VTI1A: variants seen among roughly 807,000 people sequenced by gnomAD.
VTI1A encodes the protein vesicle transport through interaction with t-SNAREs 1A, also known as vesicle transport through interaction with t-SNAREs homolog 1A.
In VTI1A, 22 loss-of-function variants were observed where a neutral mutation model predicts 34.9. The observed-to-expected ratio is 0.63, with a 90% CI of 0.45 to 0.90. The LOEUF (loss-of-function observed/expected upper bound fraction) is 0.90. Ranked by LOEUF, VTI1A falls within the 40% of genes least tolerant of loss-of-function variation. The pLI, the probability that VTI1A is intolerant of heterozygous loss-of-function variation, is 0.00. For synonymous variants in VTI1A, 87 were observed against 97.3 expected (o/e 0.89, Z 0.62); for missense variants, 268 against 275.6 (o/e 0.97, Z 0.20).
At chr10:112,782,359 C>G (rs1284315749) in intron 7 of VTI1A, among the ~76,000 whole-genome samples, 1 of 152,280 alleles carries the variant, frequency 6.6e-6, no homozygotes, top group Non-Finnish European at 1.5e-5. Flanking sequence ...TGCAATGACG[C>G]TTGGATCAGG....
intron 7 of VTI1A, among the ~76,000 whole-genome samples, chr10:112,748,031 A>G (rs1025821870): frequency 6.6e-6 from 1 of 152,096 alleles, no homozygotes; most frequent in African/African-American, 2.4e-5. Context: ...TGTGTGCTCC[A>G]ACCCCTCATC....
chr10:112,829,253 G>A, the VTI1A span, among the ~76,000 whole-genome samples: 1 of 151,168 alleles, frequency 6.6e-6, no homozygotes, highest in South Asian at 2.1e-4. Flanking sequence ...GACCATCCGG[G>A]CTAACACGGT....
At position 112,630,830 on chromosome 10, in the gene VTI1A, A is replaced by G. The variant is rs539972075; in HGVS notation, c.428-37388A>G. Among the ~76,000 whole-genome samples the G allele has an allele frequency of 2.0e-5, 3 of 152,318 alleles. No individual in the cohort carries two copies. The East Asian group carries it at 5.8e-4, about 29-fold the overall frequency. On this transcript the variant is annotated intron_variant, in intron 5 of 7. Transcript: ENST00000393077. Reference sequence around the variant, plus strand: ...AACAAAAGGTAATATATGTAACAATATAAGAAGGCAGCCAAGTGCGGTGGC... The same window carrying G: ...AACAAAAGGTAATATATGTAACAATGTAAGAAGGCAGCCAAGTGCGGTGGC...
At chr10:112,497,106 C>T (rs1589831083) in intron 3 of VTI1A, among the ~76,000 whole-genome samples, 1 of 151,966 alleles carries the variant, frequency 6.6e-6, no homozygotes, top group Non-Finnish European at 1.5e-5. Context: ...TCACCTGAGG[C>T]TAGGAGTTCA....
At chr10:112,641,992 C>A (rs1846594586) in intron 5 of VTI1A, among the ~76,000 whole-genome samples, 1 of 152,176 alleles carries the variant, frequency 6.6e-6, no homozygotes, top group African/African-American at 2.4e-5. Context: ...ATTCTCAACC[C>A]AGACCACTCT....
At chr10:112,701,047 C>A (rs1257557354) in intron 7 of VTI1A, among the ~76,000 whole-genome samples, 1 of 152,186 alleles carries the variant, frequency 6.6e-6, no homozygotes, top group Admixed American at 6.5e-5. Context: ...TAAGTTGTAT[C>A]TCATTGACTG....
At chr10:112,663,195 G>A (rs377746338) in intron 5 of VTI1A, among the ~76,000 whole-genome samples, 2 of 152,100 alleles carry the variant, frequency 1.3e-5, no homozygotes, top group African/African-American at 4.8e-5. Flanking sequence ...TCTAGATTCC[G>A]TTCTGTTTTG....
rs1853571610 is a variant in VTI1A at position 112,817,934 on chromosome 10, T to C, written c.*2551T>C. ...TAAAATTCATGCAGACTAAACAGTT[T>C]CCCTGACAGAATAAATAAAGTGGAT... On this transcript the variant is annotated 3_prime_UTR_variant, in exon 8 of 8. Coordinates refer to ENST00000393077, the MANE Select transcript of VTI1A (RefSeq NM_145206.4). The C allele has an allele frequency of 4.3e-6, 1 of 233,062 alleles. No homozygotes were observed. The highest frequency in any genetic ancestry group is 5.6e-5 in the Admixed American group (1 of 17,756). The allele number at this position is 233,062 out of a possible 1,614,324, so 14.4% of individuals were successfully genotyped here.
rs35159993 is a variant in VTI1A, at chr10:112,795,431, C to CTTTTTTTTTTT, written c.561-19850_561-19840dup. ...TTTCTCCTACACATTCCCTATTACT[C>CTTTTTTTTTTT]TTTTTTTTTTTTTTTTTTTCTGAGA... On this transcript the variant is annotated intron_variant, in intron 7 of 7. Coordinates refer to ENST00000393077, the MANE Select transcript of VTI1A (RefSeq NM_145206.4). Among the ~76,000 whole-genome samples the CTTTTTTTTTTT allele has an allele frequency of 2.3e-3, 291 of 123,968 alleles. 2 individuals are homozygous for CTTTTTTTTTTT. The Middle Eastern group carries it at 0.028, about 12-fold the overall frequency. The allele number at this position is 123,968 out of a possible 152,430, so 81.3% of individuals were successfully genotyped here. A position where few individuals can be genotyped will look rare whatever the true frequency, so the allele number is the denominator to read the frequency against.
At chr10:112,573,351 A>G (rs1852211324) in intron 5 of VTI1A, among the ~76,000 whole-genome samples, 1 of 152,182 alleles carries the variant, frequency 6.6e-6, no homozygotes, top group Non-Finnish European at 1.5e-5. Flanking sequence ...TTTCCTGTCT[A>G]GTACCCTGCA....
intron 3 of VTI1A, among the ~76,000 whole-genome samples, chr10:112,515,048 A>G (rs1335253480): frequency 6.6e-6 from 1 of 152,112 alleles, no homozygotes; most frequent in Admixed American, 6.6e-5. Flanking sequence ...GTAAATATTT[A>G]CATTTGAAAA....
intron 7 of VTI1A, among the ~76,000 whole-genome samples, chr10:112,675,513 A>G (rs1220490975): frequency 2.0e-5 from 3 of 152,216 alleles, no homozygotes; most frequent in African/African-American, 7.2e-5. Context: ...AGCTGCAGCT[A>G]CTGTATGCCA....
intron 5 of VTI1A, among the ~76,000 whole-genome samples, chr10:112,603,158 C>T (rs535684197): frequency 5.9e-5 from 9 of 152,294 alleles, no homozygotes; most frequent in South Asian, 4.1e-4. Flanking sequence ...TGAGCCATAT[C>T]GGGGGAACTG....
chr10:112,627,596 G>A (rs536213554), intron 5 of VTI1A, among the ~76,000 whole-genome samples: 22 of 152,016 alleles, frequency 1.4e-4, no homozygotes, highest in Admixed American at 3.9e-4. Context: ...CTATGTATTC[G>A]TATGTTTTGT....
rs80192554 is a variant in VTI1A, at chr10:112,684,166, T to C, written c.560+15168T>C. 5.0e-3 allele frequency among the ~76,000 whole-genome samples: 757 copies of C among 152,248 alleles called. 9 individuals carry two copies. The highest frequency in any genetic ancestry group is 0.017 in the African/African-American group (726 of 41,542). ...TATTAATTGGCATATTTTATTCCAG[T>C]TTTTTCTGTGTATTTTATGTACAAC... On this transcript the variant is annotated intron_variant, in intron 7 of 7. Transcript: ENST00000393077.
Position 112,816,110 on chromosome 10 carries a change from T to G in VTI1A, c.*727T>G. ...CCCAAATCCCATACTCCCCAGAATCTGCTGGCAAAGTGAGCCCTGGTACAG... is the reference window on the plus strand; with the variant it reads ...CCCAAATCCCATACTCCCCAGAATCGGCTGGCAAAGTGAGCCCTGGTACAG... On this transcript the variant is annotated 3_prime_UTR_variant, in exon 8 of 8. Transcript: ENST00000393077. 4.5e-6 allele frequency: 1 copy of G among 219,886 alleles called. No individual in the cohort carries two copies. The highest frequency in any genetic ancestry group is 1.9e-4 in the South Asian group (1 of 5,394). The allele number at this position is 219,886 out of a possible 1,614,324, so 13.6% of individuals were successfully genotyped here.
intron 1 of VTI1A, among the ~76,000 whole-genome samples, chr10:112,456,770 G>C (rs1210776123): frequency 6.6e-6 from 1 of 152,162 alleles, no homozygotes; most frequent in Non-Finnish European, 1.5e-5. Context: ...ACCTAAGCAA[G>C]GACATTTATA....
At chr10:112,467,213 C>T (rs1029458238) in intron 3 of VTI1A, among the ~76,000 whole-genome samples, 1 of 151,870 alleles carries the variant, frequency 6.6e-6, no homozygotes, top group Non-Finnish European at 1.5e-5. Flanking sequence ...AACCTTTAGT[C>T]TTTTTTGTTT....
At chr10:112,491,966 T>TG (rs1848839025) in intron 3 of VTI1A, among the ~76,000 whole-genome samples, 2 of 152,228 alleles carry the variant, frequency 1.3e-5, no homozygotes, top group African/African-American at 4.8e-5. Context: ...AAACTACTGA[T>TG]GCCTGGATCC....
Sources: allele counts gnomAD v4.1 joint callset (sites outside exome capture counted in the v4.1 genomes callset), GRCh38; gene constraint gnomAD v4.1.1; transcripts MANE v1.5; gene names NCBI Gene and HGNC (gene_info 2026-07-23, HGNC 2026-07-21).